The following PCDHGA9 variants were observed in gnomAD, a reference collection of about 807,000 sequenced individuals.
PCDHGA9 encodes protocadherin gamma-A9.
In PCDHGA9, 37 loss-of-function variants were observed where a neutral mutation model predicts 62.5. That is an observed-to-expected ratio of 0.59 (90% CI 0.46 to 0.78). The LOEUF (loss-of-function observed/expected upper bound fraction) is 0.78. Ranked by LOEUF, PCDHGA9 falls within the 30% of genes least tolerant of loss-of-function variation. PCDHGA9 has a pLI of 0.00. For synonymous variants in PCDHGA9, 459 were observed against 484.6 expected, an observed-to-expected ratio of 0.95 and a Z score of 0.69; for missense variants, 1,138 against 1,166.2, an observed-to-expected ratio of 0.98 and a Z score of 0.35.
In PCDHGA9 at chr5:141,434,786, T is replaced by A. The variant is rs867453805; in HGVS notation, c.2424+29410T>A. ...TTCACACTTCTAAAAAAAAAAAAAT[T>A]TTTTTTTCTGAGCTTGGAGAAATAT... On this transcript the variant is annotated intron_variant, in intron 1 of 3. Coordinates refer to ENST00000573521, the MANE Select transcript of PCDHGA9 (RefSeq NM_018921.3). 6.8e-4 allele frequency among the ~76,000 whole-genome samples: 102 copies of A among 150,682 alleles called. 1 individual carries two copies. The highest frequency in any genetic ancestry group is 1.8e-3 in the African/African-American group (72 of 40,898).
intron 1 of PCDHGA9, among the ~76,000 whole-genome samples, chr5:141,482,127 T>C (rs2099553382): frequency 6.6e-6 from 1 of 151,774 alleles, no homozygotes; most frequent in African/African-American, 2.4e-5. Flanking sequence ...GGGAGAATCA[T>C]ATGGCTGGCA....
At chr5:141,438,633 TATAC>T (rs1373299550) in intron 1 of PCDHGA9, among the ~76,000 whole-genome samples, 3,683 of 33,472 alleles carry the variant, frequency 0.11, 56 homozygotes, top group Non-Finnish European at 0.14. Flanking sequence ...TATATATATA[TATAC>T]ACACACACAC....
chr5:141,433,164 A>G, intron 1 of PCDHGA9: 3 of 1,613,600 alleles, frequency 1.9e-6, no homozygotes, highest in Non-Finnish European at 2.5e-6. Context: ...TTTTCTAAAG[A>G]CAGTCATGGG....
chr5:141,414,572 C>T, intron 1 of PCDHGA9: 1 of 1,613,960 alleles, frequency 6.2e-7, no homozygotes, highest in Non-Finnish European at 8.5e-7. Context: ...ACCTATATCC[C>T]AGAGAACAAC....
At chr5:141,482,901 A>G (rs192886570) in intron 1 of PCDHGA9, among the ~76,000 whole-genome samples, 1 of 152,122 alleles carries the variant, frequency 6.6e-6, no homozygotes, top group Admixed American at 6.6e-5. Context: ...GTGAAACCTC[A>G]TCTCTATTAA....
intron 2 of PCDHGA9, among the ~76,000 whole-genome samples, chr5:141,502,866 C>CTCTTTTTT (rs1554188502): frequency 2.3e-5 from 3 of 128,046 alleles, no homozygotes; most frequent in Non-Finnish European, 3.2e-5. Flanking sequence ...GACTCTCTGT[C>CTCTTTTTT]TTTTTTTTTT....
At chr5:141,413,804 C>G in intron 1 of PCDHGA9, 1 of 1,613,194 alleles carries the variant, frequency 6.2e-7, no homozygotes, top group Non-Finnish European at 8.5e-7. Context: ...GAGGAAGAGG[C>G]CATTCACCAC....
chr5:141,477,867 C>CGGT lies in PCDHGA9; in HGVS notation c.2425-16940_2425-16939insGGT. On this transcript the variant is annotated intron_variant, in intron 1 of 3. Transcript: ENST00000573521. This position sits in a 1 kb window ranked among gnomAD's most constrained non-coding sequence, Gnocchi z 4.9. ...TCGGTGGAGATGCTGCCTCGAGGTA[C>CGGT]CTCAGCTGGCCACCTAGTGTCACGG... 6.2e-7 allele frequency: 1 copy of CGGT among 1,613,614 alleles called. No homozygotes were observed. Among genetic ancestry groups the CGGT allele is most frequent in the Non-Finnish European group, 8.5e-7 (1 of 1,179,854 alleles).
rs917165100 is a variant in PCDHGA9, at chr5:141,442,878, C to T, written c.2424+37502C>T. Among the ~76,000 whole-genome samples, 6 of 152,178 alleles carry T rather than the reference C, an allele frequency of 3.9e-5. No homozygotes were observed. In the South Asian group the frequency reaches 8.3e-4, roughly 21 times the overall value. The stretch of plus-strand genomic sequence containing the variant: ...GTATGAGAGATGTAAATTTACAACT[C>T]AGAATCCCTGCTTATCACTTCTCCT... On this transcript the variant is annotated intron_variant, in intron 1 of 3. Coordinates refer to ENST00000573521, the MANE Select transcript of PCDHGA9 (RefSeq NM_018921.3).
At position 141,485,727 on chromosome 5, in the gene PCDHGA9, G is replaced by T. The variant is rs773176318; in HGVS notation, c.2425-9080G>T. The T allele has an allele frequency of 3.1e-6, 5 of 1,614,196 alleles. No homozygotes were observed. In the Admixed American group the frequency reaches 5.0e-5, roughly 16 times the overall value. Reference sequence around the variant, plus strand: ...CACTTTGCACTGGATGTGAAGAAGCGCAGCGACGGCAGCCTGGTCCCAGAG... The same window carrying T: ...CACTTTGCACTGGATGTGAAGAAGCTCAGCGACGGCAGCCTGGTCCCAGAG... On this transcript the variant is annotated intron_variant, in intron 1 of 3. Transcript: ENST00000573521. The surrounding 1 kb of genome is among the most constrained non-coding windows in gnomAD (Gnocchi z 5.7).
chr5:141,482,135 G>T (rs987110875), intron 1 of PCDHGA9, among the ~76,000 whole-genome samples: 1 of 151,836 alleles, frequency 6.6e-6, no homozygotes, highest in African/African-American at 2.4e-5. Context: ...CATATGGCTG[G>T]CATAAAAAGG....
intron 1 of PCDHGA9, among the ~76,000 whole-genome samples, chr5:141,437,777 C>T (rs998490046): frequency 2.0e-5 from 3 of 148,970 alleles, no homozygotes; most frequent in Admixed American, 6.7e-5. Context: ...CTCAATCTGT[C>T]GCCAAGCTGG....
chr5:141,421,353 G>C, intron 1 of PCDHGA9: 1 of 1,613,998 alleles, frequency 6.2e-7, no homozygotes, highest in Non-Finnish European at 8.5e-7. Flanking sequence ...AGACCGAAAA[G>C]GGCTCCTTCG....
rs368917303 is a variant in PCDHGA9, at chr5:141,403,049, T to C, written c.97T>C (p.Tyr33His). 1.2e-6 allele frequency: 2 copies of C among 1,613,938 alleles called. No homozygotes were observed. Among genetic ancestry groups the C allele is most frequent in the Non-Finnish European group, 1.7e-6 (2 of 1,179,920 alleles). The change falls in exon 1 of 4, where the codon TAC becomes CAC. Residue 33 changes from tyrosine to histidine, a missense_variant. Tyr to His is a moderately conservative substitution (Grantham distance 83). Coordinates refer to ENST00000573521, the MANE Select transcript of PCDHGA9 (RefSeq NM_018921.3). ...GGAGGCCAGGGCCAGTCAGATTCGC[T>C]ACTCAGTGCCTGAAGAGACAGAAAA... Reference protein sequence around the residue: ...LWEARASQIRYSVPEETEKGY... With the variant: ...LWEARASQIRHSVPEETEKGY...
intron 3 of PCDHGA9, among the ~76,000 whole-genome samples, chr5:141,508,984 C>G (rs1039260828): frequency 4.7e-4 from 72 of 152,154 alleles, no homozygotes; most frequent in African/African-American, 1.7e-3. Context: ...GGGTGGGGGC[C>G]AGCTGGGGTA....
At chr5:141,505,275 AGGTCTTGGGCATGGGGTAG>A (rs1251192617) in intron 2 of PCDHGA9, 99 bp from the exon 3 acceptor site, 87 of 1,525,470 alleles carry the variant, frequency 5.7e-5, no homozygotes, top group Non-Finnish European at 2.0e-5. Context: ...TGAGAGAAAC[AGGTCTTGGGCATGGGGTAG>A]GGTTAGGGTA....
At position 141,476,719 on chromosome 5, in the gene PCDHGA9, C is replaced by T; in HGVS notation, c.2425-18088C>T. ...ACGCGGAGCTGGTGTTGGAGCGCGC[C>T]CTGGACCGAGAACGGGAGCCTAGTC... On this transcript the variant is annotated intron_variant, in intron 1 of 3. Coordinates refer to ENST00000573521, the MANE Select transcript of PCDHGA9 (RefSeq NM_018921.3). The surrounding 1 kb of genome is among the most constrained non-coding windows in gnomAD (Gnocchi z 7.6). The T allele has an allele frequency of 6.2e-7, 1 of 1,614,154 alleles. No homozygotes were observed.
At chr5:141,427,259 G>A (rs1365845158) in intron 1 of PCDHGA9, 1 of 456,756 alleles carries the variant, frequency 2.2e-6, no homozygotes, top group Non-Finnish European at 4.4e-6. Flanking sequence ...GTGGAGGCAT[G>A]ACCAGCGAAT....
chr5:141,460,961 ATGTGTGTG>A (rs35821115), intron 1 of PCDHGA9, among the ~76,000 whole-genome samples: 11 of 144,552 alleles, frequency 7.6e-5, no homozygotes, highest in South Asian at 2.2e-4. Context: ...GTATATATAT[ATGTGTGTG>A]TGTGTGTGTG....
Sources: allele counts gnomAD v4.1 joint callset (sites outside exome capture counted in the v4.1 genomes callset), GRCh38; gene constraint gnomAD v4.1.1; non-coding constraint Gnocchi (gnomAD v3.1); transcripts MANE v1.5; gene names NCBI Gene and HGNC (gene_info 2026-07-23, HGNC 2026-07-21).